The following SNTG1 variants were observed in gnomAD, a reference collection of about 807,000 sequenced individuals.
SNTG1 encodes syntrophin gamma 1.
SNTG1 carries 39 observed loss-of-function variants against 74.7 expected under a neutral mutation model. The ratio of observed to expected loss-of-function variants is 0.52; its 90% CI spans 0.40 to 0.68. SNTG1 has a LOEUF of 0.68. Ranked by LOEUF, SNTG1 falls within the 30% of genes least tolerant of loss-of-function variation. The pLI is 0.00. For missense variants in SNTG1, 685 were observed against 609.5 expected (o/e 1.12, Z -1.30); for synonymous variants, 254 against 217.1 (o/e 1.17, Z -1.49).
chr8:50,212,593 C>T (rs976866955), intron 2 of SNTG1, among the ~76,000 whole-genome samples: 2 of 152,162 alleles, frequency 1.3e-5, no homozygotes, highest in African/African-American at 2.4e-5. Flanking sequence ...GCTGATAATA[C>T]TTTCTCATAA....
intron 2 of SNTG1, among the ~76,000 whole-genome samples, chr8:50,385,317 G>A (rs2092556923): frequency 1.3e-5 from 2 of 152,092 alleles, no homozygotes; most frequent in African/African-American, 4.8e-5. Context: ...ACTCAAATAG[G>A]CCTCCTAGGC....
At chr8:50,696,761 T>C (rs746521876) in intron 15 of SNTG1, among the ~76,000 whole-genome samples, 1 of 152,074 alleles carries the variant, frequency 6.6e-6, no homozygotes, top group Non-Finnish European at 1.5e-5. Flanking sequence ...ACTTGACTGA[T>C]GGCTTTATTT....
At chr8:50,147,820 C>A (rs1451072910) in intron 1 of SNTG1, among the ~76,000 whole-genome samples, 1 of 152,124 alleles carries the variant, frequency 6.6e-6, no homozygotes, top group African/African-American at 2.4e-5. Flanking sequence ...CACTGTAATT[C>A]CAGTAACCAT....
intron 18 of SNTG1, chr8:50,762,762 G>A: frequency 2.1e-6 from 1 of 475,370 alleles, no homozygotes; most frequent in Non-Finnish European, 4.2e-6. Context: ...ACACACTTCT[G>A]AACAAAGATC....
rs573449378 is a variant in SNTG1, at chr8:50,586,187, C to T, written c.811-4692C>T. ...TTTGCTCAGCATTCTTTAAAATGCA[C>T]TTCTTATCTTCAAAGGGAATTCAAG... is the stretch of plus-strand genomic sequence containing the variant. On this transcript the variant is annotated intron_variant, in intron 12 of 18. Transcript: ENST00000642720. Among the ~76,000 whole-genome samples, 12 of 152,258 alleles carry T rather than the reference C, an allele frequency of 7.9e-5. No homozygotes were observed. In the South Asian group the frequency reaches 2.3e-3, roughly 29 times the overall value.
At chr8:50,248,391 A>G (rs2086493975) in intron 2 of SNTG1, among the ~76,000 whole-genome samples, 1 of 152,192 alleles carries the variant, frequency 6.6e-6, no homozygotes, top group African/African-American at 2.4e-5. Flanking sequence ...TTTAAACTCA[A>G]TTCCCCCAAG....
At chr8:49,987,649 CTTTT>C (rs35381511) in intron 1 of SNTG1, among the ~76,000 whole-genome samples, 1 of 131,546 alleles carries the variant, frequency 7.6e-6, no homozygotes, top group African/African-American at 2.9e-5. Flanking sequence ...TTAAATTAAC[CTTTT>C]TTTTTTTTTT....
chr8:49,953,442 G>C (rs1202354482), intron 1 of SNTG1, among the ~76,000 whole-genome samples: 1 of 152,156 alleles, frequency 6.6e-6, no homozygotes, highest in African/African-American at 2.4e-5. Flanking sequence ...GGGAACTAGA[G>C]ATTACAAGTG....
chr8:50,509,104 T>G (rs546371608), intron 9 of SNTG1, among the ~76,000 whole-genome samples: 121 of 152,210 alleles, frequency 7.9e-4, no homozygotes, highest in Non-Finnish European at 1.4e-3. Flanking sequence ...TGTATAAGGT[T>G]TATGGAAGGG....
At chr8:50,039,654 C>A (rs546659219) in intron 1 of SNTG1, among the ~76,000 whole-genome samples, 9 of 151,704 alleles carry the variant, frequency 5.9e-5, no homozygotes, top group African/African-American at 2.2e-4. Context: ...ATTTTTTTTG[C>A]CTATAGAGTA....
chr8:49,986,312 G>C (rs1813147402), intron 1 of SNTG1, among the ~76,000 whole-genome samples: 1 of 152,102 alleles, frequency 6.6e-6, no homozygotes, highest in Non-Finnish European at 1.5e-5. Flanking sequence ...AGATAATGAA[G>C]AGTGTTCTAC....
At chr8:50,447,349 T>C (rs2093416534) in intron 5 of SNTG1, among the ~76,000 whole-genome samples, 1 of 152,224 alleles carries the variant, frequency 6.6e-6, no homozygotes, top group Admixed American at 6.5e-5. Flanking sequence ...ACAGCCTCAC[T>C]GAGGAGACCA....
At chr8:50,584,338 C>T (rs1427507680) in intron 12 of SNTG1, among the ~76,000 whole-genome samples, 1 of 151,134 alleles carries the variant, frequency 6.6e-6, no homozygotes, top group East Asian at 2.0e-4. Flanking sequence ...GAGGAATCAC[C>T]ACACTGTCTT....
chr8:50,089,218 A>G (rs2079616001), intron 1 of SNTG1, among the ~76,000 whole-genome samples: 1 of 152,130 alleles, frequency 6.6e-6, no homozygotes, highest in African/African-American at 2.4e-5. Context: ...GAAAGCTGAA[A>G]CTGGATCCCT....
chr8:50,578,900 G>A (rs920077714), intron 12 of SNTG1, among the ~76,000 whole-genome samples: 3 of 152,132 alleles, frequency 2.0e-5, no homozygotes, highest in African/African-American at 7.2e-5. Context: ...TAGTAAATTG[G>A]TTCAGGAGTG....
intron 2 of SNTG1, among the ~76,000 whole-genome samples, chr8:50,333,752 C>A (rs1489806667): frequency 6.6e-6 from 1 of 152,068 alleles, no homozygotes; most frequent in African/African-American, 2.4e-5. Context: ...CATTTCTTAA[C>A]GTTCCCTTGA....
intron 9 of SNTG1, among the ~76,000 whole-genome samples, chr8:50,523,436 T>A (rs2094196015): frequency 1.3e-5 from 2 of 152,202 alleles, no homozygotes; most frequent in African/African-American, 4.8e-5. Flanking sequence ...TGATTTTAAG[T>A]GAGAGACTTG....
At chr8:50,244,082 C>T (rs1389580227) in intron 2 of SNTG1, among the ~76,000 whole-genome samples, 1 of 152,058 alleles carries the variant, frequency 6.6e-6, no homozygotes, top group Non-Finnish European at 1.5e-5. Context: ...CTGGGGAGGA[C>T]TCAGGGAGCT....
At chr8:50,357,114 G>A (rs1253225564) in intron 2 of SNTG1, among the ~76,000 whole-genome samples, 2 of 152,162 alleles carry the variant, frequency 1.3e-5, no homozygotes, top group African/African-American at 4.8e-5. Context: ...TCCTTCAGGA[G>A]CTGGCTTCAC....
Sources: allele counts gnomAD v4.1 joint callset (sites outside exome capture counted in the v4.1 genomes callset), GRCh38; gene constraint gnomAD v4.1.1; transcripts MANE v1.5; gene names NCBI Gene and HGNC (gene_info 2026-07-23, HGNC 2026-07-21).